Variants in DMD observed in about 807,000 individuals in gnomAD.
DMD encodes the protein dystrophin.
In DMD, 63 loss-of-function variants were observed where a neutral mutation model predicts 330.1. The observed-to-expected ratio is 0.19, with a 90% CI of 0.16 to 0.24. DMD has a LOEUF of 0.24. Ranked by LOEUF, DMD falls within the 10% of genes least tolerant of loss-of-function variation. The pLI, the probability that DMD is intolerant of heterozygous loss-of-function variation, is 1.00. For missense variants in DMD, 3,344 were observed against 2,684.1 expected (o/e 1.25, Z -5.43); for synonymous variants, 1,223 against 959.8 (o/e 1.27, Z -5.07).
chrX:32,465,488 C>T (rs1023923503), intron 23 of DMD, among the ~76,000 whole-genome samples: 6 of 109,724 alleles, frequency 5.5e-5, no homozygotes, highest in African/African-American at 3.3e-5. Context: ...AACTTCAAGA[C>T]GATCACCTTG....
At chrX:33,030,256 G>A (rs1256695342) in intron 1 of DMD, among the ~76,000 whole-genome samples, 3 of 111,438 alleles carry the variant, frequency 2.7e-5, no homozygotes, top group Non-Finnish European at 5.7e-5. Context: ...CGATTGCTAC[G>A]TGGCAGCCAT....
chrX:33,051,550 T>C (rs1401452682), intron 1 of DMD, among the ~76,000 whole-genome samples: 2 of 109,870 alleles, frequency 1.8e-5, no homozygotes, highest in Non-Finnish European at 3.8e-5. Context: ...ATGTTAGTTT[T>C]ACTTAATGAT....
chrX:32,163,110 A>T (rs1247941446), intron 44 of DMD, among the ~76,000 whole-genome samples: 1 of 111,058 alleles, frequency 9.0e-6, no homozygotes, highest in African/African-American at 3.3e-5. Flanking sequence ...ATCTAACTTG[A>T]TCCTTCTACC....
intron 1 of DMD, among the ~76,000 whole-genome samples, chrX:33,032,927 A>G: frequency 8.9e-6 from 1 of 112,265 alleles, no homozygotes; most frequent in Middle Eastern, 4.7e-3. Context: ...CAAAAATTAT[A>G]AATAGGAATG....
chrX:33,330,428 T>A (rs2054155161), intron 1 of DMD, among the ~76,000 whole-genome samples: 1 of 111,902 alleles, frequency 8.9e-6, no homozygotes, highest in African/African-American at 3.2e-5. Flanking sequence ...GAGGTCTGAT[T>A]CTGTGATTAA....
chrX:32,831,938 G>C (rs948094985), intron 4 of DMD, among the ~76,000 whole-genome samples: 1 of 110,352 alleles, frequency 9.1e-6, no homozygotes, highest in Non-Finnish European at 1.9e-5. Context: ...TGCCTTTTTA[G>C]ACAACCAGTG....
intron 7 of DMD, among the ~76,000 whole-genome samples, chrX:32,782,315 T>G (rs1265315700): frequency 9.0e-6 from 1 of 111,507 alleles, no homozygotes; most frequent in African/African-American, 3.3e-5. Context: ...AAACTAAGAA[T>G]AGTTTCAATA....
chrX:32,754,775 G>T (rs1429967000), intron 7 of DMD, among the ~76,000 whole-genome samples: 1 of 111,434 alleles, frequency 9.0e-6, no homozygotes, highest in Non-Finnish European at 1.9e-5. Flanking sequence ...TACTGTTATA[G>T]AAATGATGCA....
At position 31,120,464 on chromosome X, in the gene DMD, G is replaced by T. The variant is rs191747923; in HGVS notation, c.*1455C>A. ...CTGTCAGTATCACAAATGTGATGGGGCTACTGTTTTACACCTTTTCCCAAA... is the reference window on the plus strand; with the variant it reads ...CTGTCAGTATCACAAATGTGATGGGTCTACTGTTTTACACCTTTTCCCAAA... On this transcript the variant is annotated 3_prime_UTR_variant, in exon 79 of 79. Transcript: ENST00000357033. The T allele has an allele frequency of 2.4e-4, 27 of 111,789 alleles. No homozygotes were observed. The highest frequency in any genetic ancestry group is 2.4e-3 in the Admixed American group (25 of 10,561). 9.2% of individuals were successfully genotyped at this position (111,789 alleles called of 1,213,427 possible).
At position 32,501,824 on chromosome X, in the gene DMD, C is replaced by G. The variant is rs776275581; in HGVS notation, c.2311G>C (p.Ala771Pro). 6 of 1,203,105 alleles carry G rather than the reference C, an allele frequency of 5.0e-6. No individual in the cohort carries two copies. The East Asian group carries it at 1.8e-4, about 36-fold the overall frequency. ...TCTTGCAGTTTTCTGAACTTCTCAG[C>G]TTTTTCTCGCTCTATGGCCTGCAGC... is the stretch of plus-strand genomic sequence containing the variant. Reference protein sequence around the residue: ...EKVNAIEREKAEKFRKLQDAS... With the variant: ...EKVNAIEREKPEKFRKLQDAS... The change falls in exon 19 of 79, where the codon GCT becomes CCT. Residue 771 changes from alanine (A) to proline (P), a missense_variant. Ala to Pro is a conservative substitution (Grantham distance 27). Coordinates refer to ENST00000357033, the MANE Select transcript of DMD (RefSeq NM_004006.3).
chrX:31,190,130 A>C (rs1831866375), intron 67 of DMD, among the ~76,000 whole-genome samples: 1 of 112,255 alleles, frequency 8.9e-6, no homozygotes, highest in South Asian at 3.7e-4. Context: ...GAAATATAAC[A>C]ATGTTTGGAG....
chrX:32,788,120 A>T (rs753133773), intron 7 of DMD, among the ~76,000 whole-genome samples: 2 of 111,834 alleles, frequency 1.8e-5, no homozygotes, highest in East Asian at 5.6e-4. Flanking sequence ...GTGTAGAAAA[A>T]GTTAAATCAA....
intron 1 of DMD, among the ~76,000 whole-genome samples, chrX:33,113,602 A>C (rs984400413): frequency 2.9e-5 from 3 of 102,358 alleles, no homozygotes; most frequent in Admixed American, 2.1e-4. Flanking sequence ...CCCCCCCCCC[A>C]AAAAAATCTT....
chrX:31,839,513 A>G (rs1462984668), intron 48 of DMD, among the ~76,000 whole-genome samples: 4 of 112,228 alleles, frequency 3.6e-5, no homozygotes, highest in Non-Finnish European at 7.5e-5. Context: ...AGTTAAATAC[A>G]GAGTCTACTC....
chrX:31,162,459 T>G (rs2038957938), intron 74 of DMD, among the ~76,000 whole-genome samples: 2 of 109,174 alleles, frequency 1.8e-5, no homozygotes, highest in South Asian at 8.2e-4. Flanking sequence ...GATGTGAATA[T>G]TCTAATCGCC....
rs1203447654 is a variant in DMD, at chrX:31,968,442, G to T, written c.6511C>A (p.Gln2171Lys). 2.5e-6 allele frequency: 3 copies of T among 1,210,599 alleles called. No homozygotes were observed. Among genetic ancestry groups the T allele is most frequent in the Admixed American group, 4.4e-5 (2 of 45,897 alleles). The change falls in exon 45 of 79, where the codon CAG becomes AAG. Residue 2171 changes from glutamine (Q) to lysine (K), a missense_variant. Physicochemically the swap from Gln to Lys is moderately conservative, Grantham distance 53 (BLOSUM62 1). Coordinates refer to ENST00000357033, the MANE Select transcript of DMD (RefSeq NM_004006.3). ...TLNATGEEII[Q>K]QSSKTDASIL... is the part of the protein sequence containing the mutation. ...CTGGCATCTGTTTTTGAGGATTGCTGAATTATTTCTTCCCCAGTTGCATTC... is the reference window on the plus strand; with the variant it reads ...CTGGCATCTGTTTTTGAGGATTGCTTAATTATTTCTTCCCCAGTTGCATTC...
intron 61 of DMD, among the ~76,000 whole-genome samples, chrX:31,337,438 AACAAAATGCCT>A (rs1396769526): frequency 8.9e-6 from 1 of 112,295 alleles, no homozygotes; most frequent in African/African-American, 3.2e-5. Flanking sequence ...TCTACTAAAG[AACAAAATGCCT>A]TTTGTCCTCA....
chrX:31,242,972 C>T (rs1197908265), intron 63 of DMD, among the ~76,000 whole-genome samples: 1 of 111,650 alleles, frequency 9.0e-6, no homozygotes, highest in Non-Finnish European at 1.9e-5. Flanking sequence ...CTCTCATAGG[C>T]AAGGAATTCT....
intron 44 of DMD, among the ~76,000 whole-genome samples, chrX:32,199,780 T>TTGTGTGTG (rs35897988): frequency 0.03 from 2,554 of 84,012 alleles, 64 homozygotes; most frequent in East Asian, 0.068. Flanking sequence ...CGCAAGGCTT[T>TTGTGTGTG]TGTGTGTGTG....
Sources: allele counts gnomAD v4.1 joint callset (sites outside exome capture counted in the v4.1 genomes callset), GRCh38; gene constraint gnomAD v4.1.1; transcripts MANE v1.5; gene names NCBI Gene and HGNC (gene_info 2026-07-23, HGNC 2026-07-21).